E2F3: variants seen among roughly 807,000 people sequenced by gnomAD.
E2F3 encodes E2F transcription factor 3, also known as transcription factor E2F3.
Under a neutral mutation model 44.4 loss-of-function variants are expected in E2F3, and 11 were observed. That is an observed-to-expected ratio of 0.25 (90% confidence interval 0.16 to 0.41). The LOEUF is 0.41. E2F3 is among the 10% of genes least tolerant of loss of function. The pLI is 1.00. For missense variants in E2F3, 487 were observed against 583.6 expected (o/e 0.83, Z 1.70); for synonymous variants, 249 against 253.0 (o/e 0.98, Z 0.15).
intron 1 of E2F3, among the ~76,000 whole-genome samples, chr6:20,404,885 TA>T: frequency 1.3e-5 from 2 of 152,364 alleles, no homozygotes; most frequent in Middle Eastern, 6.8e-3. Context: ...TGTTTGGACA[TA>T]TTTTAAGCAT....
At chr6:20,460,144 A>C (rs1451731242) in intron 1 of E2F3, among the ~76,000 whole-genome samples, 1 of 152,186 alleles carries the variant, frequency 6.6e-6, no homozygotes, top group Non-Finnish European at 1.5e-5. Flanking sequence ...GCTGTCTCAG[A>C]ACTTCTCACG....
At chr6:20,425,746 T>C (rs1307144076) in intron 1 of E2F3, among the ~76,000 whole-genome samples, 1 of 152,212 alleles carries the variant, frequency 6.6e-6, no homozygotes, top group Non-Finnish European at 1.5e-5. Flanking sequence ...AGCTCTCTAG[T>C]GGAGGAACAG....
rs114777069 is a variant in E2F3 at position 20,446,803 on chromosome 6, G to T, written c.394-33043G>T. Among the ~76,000 whole-genome samples, 892 of 152,294 alleles carry T rather than the reference G, an allele frequency of 5.9e-3. 4 individuals are homozygous for T. Among genetic ancestry groups the T allele is most frequent in the South Asian group, 0.034 (164 of 4,828 alleles). On this transcript the variant is annotated intron_variant, in intron 1 of 6. Transcript: ENST00000346618. ...GGCTGGTCTCAACTCCTGGGCTCCAGTGATCTGCCTGCATCGGCCTCTCAA... is the reference window on the plus strand; with the variant it reads ...GGCTGGTCTCAACTCCTGGGCTCCATTGATCTGCCTGCATCGGCCTCTCAA...
At chr6:20,403,845 G>A in intron 1 of E2F3, 1 of 1,467,060 alleles carries the variant, frequency 6.8e-7, no homozygotes, top group Non-Finnish European at 9.0e-7. Context: ...TAGTGACCGG[G>A]ACGGCTCGGG....
chr6:20,431,785 T>G (rs1375990836), intron 1 of E2F3, among the ~76,000 whole-genome samples: 3 of 152,180 alleles, frequency 2.0e-5, no homozygotes, highest in Non-Finnish European at 2.9e-5. Context: ...ATATCTAAAT[T>G]TAGACACCTA....
At chr6:20,417,866 T>C (rs1581576835) in intron 1 of E2F3, among the ~76,000 whole-genome samples, 2 of 152,246 alleles carry the variant, frequency 1.3e-5, no homozygotes, top group East Asian at 3.9e-4. Flanking sequence ...ATTCGAAAAA[T>C]ATCTCTCTGA....
At position 20,486,878 on chromosome 6, in the gene E2F3, T is replaced by C; in HGVS notation, c.999+75T>C. The C allele has an allele frequency of 3.2e-6, 3 of 951,710 alleles. No individual in the cohort carries two copies. The South Asian group carries it at 4.6e-5, about 15-fold the overall frequency. The allele number at this position is 951,710 out of a possible 1,614,324, so 59.0% of individuals were successfully genotyped here. ...TGAAATTGAATGACTCATTGACTCA[T>C]AGTTAAAGTCTGTCCCCCTCCTATG... On this transcript the variant is annotated intron_variant, in intron 5 of 6. Transcript: ENST00000346618.
chr6:20,464,484 ACC>A (rs1761636316), intron 1 of E2F3, among the ~76,000 whole-genome samples: 1 of 151,896 alleles, frequency 6.6e-6, no homozygotes. Flanking sequence ...CTGTGACATC[ACC>A]CCCAGACAGC....
chr6:20,458,924 G>C (rs1193231467), intron 1 of E2F3, among the ~76,000 whole-genome samples: 1 of 147,498 alleles, frequency 6.8e-6, no homozygotes, highest in African/African-American at 2.5e-5. Context: ...CATACGAAAT[G>C]GGGTCTACAT....
intron 1 of E2F3, among the ~76,000 whole-genome samples, chr6:20,472,025 A>AACACACACACACACACACAC (rs57925127): frequency 2.2e-5 from 3 of 138,358 alleles, no homozygotes; most frequent in African/African-American, 8.2e-5. Flanking sequence ...CCCCCCCTCC[A>AACACACACACACACACACAC]ACACACACAC....
At chr6:20,473,624 A>T (rs1169868578) in intron 1 of E2F3, among the ~76,000 whole-genome samples, 2 of 152,228 alleles carry the variant, frequency 1.3e-5, no homozygotes, top group African/African-American at 4.8e-5. Context: ...AGTCTGTGGC[A>T]TGTGTGCCTT....
At chr6:20,457,802 T>C (rs1761360942) in intron 1 of E2F3, among the ~76,000 whole-genome samples, 1 of 152,208 alleles carries the variant, frequency 6.6e-6, no homozygotes, top group Non-Finnish European at 1.5e-5. Flanking sequence ...TTATCACCAG[T>C]AAAAGTTAAT....
intron 1 of E2F3, among the ~76,000 whole-genome samples, chr6:20,458,522 G>T (rs987789188): frequency 2.0e-5 from 3 of 152,246 alleles, no homozygotes; most frequent in Admixed American, 6.5e-5. Context: ...GGTGCTTGCC[G>T]GTGGACCTTG....
At chr6:20,445,512 T>G (rs1388795660) in intron 1 of E2F3, among the ~76,000 whole-genome samples, 1 of 152,114 alleles carries the variant, frequency 6.6e-6, no homozygotes, top group Non-Finnish European at 1.5e-5. Flanking sequence ...TTCTAAGACA[T>G]GCGTTTTTTC....
chr6:20,465,310 C>A (rs1351504492), intron 1 of E2F3, among the ~76,000 whole-genome samples: 1 of 152,338 alleles, frequency 6.6e-6, no homozygotes, highest in South Asian at 2.1e-4. Flanking sequence ...TTTTAAATTT[C>A]TCCAAACTAG....
rs534295578 is a variant in E2F3 at position 20,476,199 on chromosome 6, G to A, written c.394-3647G>A. On this transcript the variant is annotated intron_variant, in intron 1 of 6. Transcript: ENST00000346618. ...ATCCTGGCTAACATGGTGAAACCCC[G>A]TCTCTACTAAAACTACAAAAAATTA... Among the ~76,000 whole-genome samples, 22 of 152,144 alleles carry A rather than the reference G, an allele frequency of 1.4e-4. No individual in the cohort carries two copies. The South Asian group carries it at 2.1e-3, about 14-fold the overall frequency.
chr6:20,472,051 C>T (rs1225357069), intron 1 of E2F3, among the ~76,000 whole-genome samples: 1 of 151,520 alleles, frequency 6.6e-6, no homozygotes, highest in African/African-American at 2.4e-5. Context: ...CACACACACA[C>T]ACACACACAC....
At chr6:20,455,905 C>T (rs1032882830) in intron 1 of E2F3, among the ~76,000 whole-genome samples, 1 of 152,032 alleles carries the variant, frequency 6.6e-6, no homozygotes, top group East Asian at 1.9e-4. Context: ...CGTGGCCACA[C>T]CTCAGGGTTA....
chr6:20,488,717 C>T (rs1309953898), intron 6 of E2F3, among the ~76,000 whole-genome samples: 1 of 152,072 alleles, frequency 6.6e-6, no homozygotes, highest in East Asian at 1.9e-4. Flanking sequence ...TAAGTCTTGC[C>T]GGGTGCGGTG....
Sources: allele counts gnomAD v4.1 joint callset (sites outside exome capture counted in the v4.1 genomes callset), GRCh38; gene constraint gnomAD v4.1.1; transcripts MANE v1.5; gene names NCBI Gene and HGNC (gene_info 2026-07-23, HGNC 2026-07-21).